The following DICER1 variants were observed in gnomAD, a reference collection of about 807,000 sequenced individuals.
DICER1 encodes dicer 1, ribonuclease III, also known as endoribonuclease Dicer.
DICER1 carries 43 observed loss-of-function variants against 194.1 expected under a neutral mutation model. The observed-to-expected ratio is 0.22, with a 90% confidence interval of 0.17 to 0.29. The LOEUF (loss-of-function observed/expected upper bound fraction) is 0.29, where lower values mean the gene tolerates loss of function less well. Among genes scored for constraint, DICER1 ranks in the 10% least tolerant of loss-of-function variants. The probability of loss-of-function intolerance (pLI) is 1.00; values close to 1 mark genes in which losing one functional copy is unlikely to be tolerated. For synonymous variants in DICER1, 832 were observed against 820.5 expected, an observed-to-expected ratio of 1.01 and a Z score of -0.24; for missense variants, 1,608 against 2,317.0, an observed-to-expected ratio of 0.69 and a Z score of 6.28.
At chr14:95,151,500 T>C (rs1037390687) in intron 1 of DICER1, among the ~76,000 whole-genome samples, 1 of 152,190 alleles carries the variant, frequency 6.6e-6, no homozygotes, top group African/African-American at 2.4e-5. Context: ...ACTCCTTTTT[T>C]TTCTCAAAAC....
intron 16 of DICER1, 27 bp from the exon 17 acceptor site, chr14:95,107,788 C>G (rs752474598): frequency 1.9e-5 from 31 of 1,612,514 alleles, no homozygotes; most frequent in Middle Eastern, 1.6e-4. Flanking sequence ...GACTCTTTAG[C>G]TTGTTAAAAC....
At chr14:95,138,924 A>C (rs908068750) in intron 1 of DICER1, among the ~76,000 whole-genome samples, 1 of 150,354 alleles carries the variant, frequency 6.7e-6, no homozygotes, top group African/African-American at 2.4e-5. Context: ...ATATGTAACT[A>C]ACCTGCACAA....
rs562707915 is a variant in DICER1 at position 95,149,539 on chromosome 14, C to T, written c.-46+7691G>A. On this transcript the variant is annotated intron_variant, in intron 1 of 26. Transcript: ENST00000343455. ...GCTAGCTACAACACCCAAATCATCA[C>T]GGGCTTCATTATATTACTGCCCCAT... 2.3e-3 allele frequency among the ~76,000 whole-genome samples: 352 copies of T among 152,272 alleles called. 1 individual carries two copies. Among genetic ancestry groups the T allele is most frequent in the South Asian group, 0.015 (72 of 4,816 alleles).
At position 95,124,197 on chromosome 14, in the gene DICER1, T is replaced by C. The variant is rs1566801690; in HGVS notation, c.1375A>G (p.Arg459Gly). 1 of 1,611,056 alleles carries C rather than the reference T, an allele frequency of 6.2e-7. No individual in the cohort carries two copies. Among genetic ancestry groups the C allele is most frequent in the Non-Finnish European group, 8.5e-7 (1 of 1,177,780 alleles). ...ERRYTAVVLN[R>G]LIKEAGKQDP... ...AAAGGAGTCAACTTACAGATTTACCTGTTTAAGACAACTGCTGTGTATCTT... is the reference window on the plus strand; with the variant it reads ...AAAGGAGTCAACTTACAGATTTACCCGTTTAAGACAACTGCTGTGTATCTT... The change falls in exon 8 of 27, where the codon AGA (arginine) becomes GGA (glycine). Residue 459 changes from arginine (R) to glycine (G), a missense_variant and splice_region_variant. Coordinates refer to ENST00000343455, the MANE Select transcript of DICER1 (RefSeq NM_177438.3). The surrounding 1 kb of genome is among the most constrained non-coding windows in gnomAD (Gnocchi z 4.5).
intron 1 of DICER1, among the ~76,000 whole-genome samples, chr14:95,133,736 C>T (rs1220744714): frequency 6.6e-6 from 1 of 152,100 alleles, no homozygotes; most frequent in Non-Finnish European, 1.5e-5. Flanking sequence ...CAAGCAACTT[C>T]ACAAAGAGAT....
At chr14:95,133,553 CAAAG>C (rs1202053594) in intron 1 of DICER1, 50 bp from the exon 2 acceptor site, 5 of 1,316,874 alleles carry the variant, frequency 3.8e-6, no homozygotes, top group African/African-American at 1.5e-5. Flanking sequence ...GGGTTAAAAA[CAAAG>C]AAAGCACAGA....
Position 95,088,678 on chromosome 14 carries a change from T to C in DICER1, c.*1820A>G, listed in dbSNP as rs571735282. 151 of 232,584 alleles carry C rather than the reference T, an allele frequency of 6.5e-4. No homozygotes were observed. The highest frequency in any genetic ancestry group is 3.1e-3 in the African/African-American group (143 of 45,406). The allele number at this position is 232,584 out of a possible 1,614,324, so 14.4% of individuals were successfully genotyped here. A position where few individuals can be genotyped will look rare whatever the true frequency, so the allele number is the denominator to read the frequency against. The stretch of plus-strand genomic sequence containing the variant: ...TTAATAATTTAGATCTCAATTTAAG[T>C]TTAAGATTGGAGACAACAAAAAACA... On this transcript the variant is annotated 3_prime_UTR_variant, in exon 27 of 27. Transcript: ENST00000343455.
chr14:95,094,843 T>C (rs1022143064), intron 23 of DICER1, among the ~76,000 whole-genome samples: 1 of 152,172 alleles, frequency 6.6e-6, no homozygotes, highest in East Asian at 1.9e-4. Flanking sequence ...GTGATTAAAA[T>C]AATATATCCA....
At chr14:95,145,335 C>A (rs1566828528) in intron 1 of DICER1, among the ~76,000 whole-genome samples, 1 of 152,152 alleles carries the variant, frequency 6.6e-6, no homozygotes, top group African/African-American at 2.4e-5. Flanking sequence ...AATTAAATCA[C>A]AAAATATGGT....
intron 8 of DICER1, among the ~76,000 whole-genome samples, chr14:95,118,494 C>G (rs1892681067): frequency 6.6e-6 from 1 of 152,166 alleles, no homozygotes; most frequent in Non-Finnish European, 1.5e-5. Context: ...AGAGGAGATT[C>G]CTGAGCTCTG....
intron 6 of DICER1, among the ~76,000 whole-genome samples, chr14:95,128,709 G>A (rs1893690366): frequency 6.6e-6 from 1 of 152,170 alleles, no homozygotes; most frequent in Non-Finnish European, 1.5e-5. Flanking sequence ...ACAATTAGTG[G>A]AGCTAGTATT....
chr14:95,126,596 G>A lies in DICER1; in HGVS notation c.887C>T (p.Thr296Ile), dbSNP rs1595447510. 1.3e-6 allele frequency: 2 copies of A among 1,532,156 alleles called. No homozygotes were observed. Among genetic ancestry groups the A allele is most frequent in the African/African-American group, 1.4e-5 (1 of 73,140 alleles). 94.9% of individuals were successfully genotyped at this position (1,532,156 alleles called of 1,614,324 possible). ...ISVHSKERDS[T>I]LISKQILSDC... is the part of the protein sequence containing the mutation. ...TATGCTTACCTGTTTCGAAATTAAA[G>A]TAGAATCTCTTTCTTTTGAATGTAC... Residue 296 changes from threonine to isoleucine, a missense_variant, in exon 7 of 27, where the codon ACT becomes ATT. Coordinates refer to ENST00000343455, the MANE Select transcript of DICER1 (RefSeq NM_177438.3).
In DICER1 at chr14:95,113,116, G is replaced by A. The variant is rs748905178; in HGVS notation, c.2016C>T (p.Asn672=). 1 of 1,613,870 alleles carries A rather than the reference G, an allele frequency of 6.2e-7. No individual in the cohort carries two copies. The highest frequency in any genetic ancestry group is 2.2e-5 in the East Asian group (1 of 44,862). ...TFYSTLYLPI[N]SPLRASIVGP... ...CAACAATGGAGGCTCGAAGAGGTGA[G>A]TTAATTGGCAGATAAAGAGTTGAAT... Residue 672 remains asparagine, a synonymous_variant, in exon 12 of 27, where the codon AAC becomes AAT. Coordinates refer to ENST00000343455, the MANE Select transcript of DICER1 (RefSeq NM_177438.3).
intron 1 of DICER1, among the ~76,000 whole-genome samples, chr14:95,151,395 T>C (rs182841796): frequency 1.8e-4 from 28 of 152,328 alleles, no homozygotes; most frequent in Non-Finnish European, 2.9e-4. Flanking sequence ...ATTAAGACTA[T>C]TGCATGTTAA....
At chr14:95,149,674 G>A (rs145891357) in intron 1 of DICER1, among the ~76,000 whole-genome samples, 6 of 152,184 alleles carry the variant, frequency 3.9e-5, no homozygotes, top group South Asian at 2.1e-4. Flanking sequence ...TGATTTTCAC[G>A]TTACTGTAAA....
At position 95,105,635 on chromosome 14, in the gene DICER1, C is replaced by T. The variant is rs757785182; in HGVS notation, c.3093+43G>A. On this transcript the variant is annotated intron_variant, in intron 19 of 26. Transcript: ENST00000343455. The surrounding 1 kb of genome is among the most constrained non-coding windows in gnomAD (Gnocchi z 4.9). ...AACTTATCTTTAATAATCTTTAATA[C>T]TCAAACAAATACTAAGTTATGCTAG... is the stretch of plus-strand genomic sequence containing the variant. The T allele has an allele frequency of 1.5e-6, 2 of 1,362,612 alleles. No individual in the cohort carries two copies. The highest frequency in any genetic ancestry group is 2.1e-6 in the Non-Finnish European group (2 of 952,642). 84.4% of individuals were successfully genotyped at this position (1,362,612 alleles called of 1,614,324 possible). A position where few individuals can be genotyped will look rare whatever the true frequency, so the allele number is the denominator to read the frequency against.
chr14:95,146,249 G>T (rs145382027), intron 1 of DICER1, among the ~76,000 whole-genome samples: 2 of 152,204 alleles, frequency 1.3e-5, no homozygotes, highest in Admixed American at 6.5e-5. Context: ...TCCAGGGACC[G>T]GATTGAGAAC....
chr14:95,103,337 A>G lies in DICER1; in HGVS notation c.4050+9T>C, dbSNP rs774192590. ...ATTAACTGCTCAAAATAAAAAAATC[A>G]TCTCTTACCTTTTTGCTTCTCATAT... On this transcript the variant is annotated intron_variant, in intron 21 of 26. Coordinates refer to ENST00000343455, the MANE Select transcript of DICER1 (RefSeq NM_177438.3). The G allele has an allele frequency of 1.2e-6, 2 of 1,613,748 alleles. No homozygotes were observed. The highest frequency in any genetic ancestry group is 1.7e-6 in the Non-Finnish European group (2 of 1,179,650).
intron 12 of DICER1, 120 bp downstream of exon 12, chr14:95,112,972 G>T: frequency 9.3e-7 from 1 of 1,073,268 alleles, no homozygotes; most frequent in Non-Finnish European, 1.4e-6. Flanking sequence ...CAAGGCTCCT[G>T]CTCATGAAAG....
Sources: allele counts gnomAD v4.1 joint callset (sites outside exome capture counted in the v4.1 genomes callset), GRCh38; gene constraint gnomAD v4.1.1; non-coding constraint Gnocchi (gnomAD v3.1); transcripts MANE v1.5; gene names NCBI Gene and HGNC (gene_info 2026-07-23, HGNC 2026-07-21).